Variants in GRIK1 observed in about 807,000 individuals in gnomAD.
GRIK1 encodes the protein glutamate ionotropic receptor kainate type subunit 1, also known as glutamate receptor ionotropic, kainate 1.
In GRIK1, 69 loss-of-function variants were observed where a neutral mutation model predicts 105.7. The ratio of observed to expected loss-of-function variants is 0.65; its 90% CI spans 0.54 to 0.80. GRIK1 has a LOEUF of 0.80. GRIK1 is among the 30% of genes least tolerant of loss of function. The pLI, the probability that GRIK1 is intolerant of heterozygous loss-of-function variation, is 0.00. For synonymous variants in GRIK1, 438 were observed against 431.3 expected (o/e 1.02, Z -0.19); for missense variants, 1,109 against 1,167.3 (o/e 0.95, Z 0.73).
chr21:29,822,453 T>C (rs2145929399), intron 1 of GRIK1, among the ~76,000 whole-genome samples: 1 of 152,162 alleles, frequency 6.6e-6, no homozygotes, highest in Admixed American at 6.6e-5. Flanking sequence ...CCCATGCTTA[T>C]TTTCTTTTTT....
intron 1 of GRIK1, among the ~76,000 whole-genome samples, chr21:29,875,239 C>A (rs550110696): frequency 4.1e-4 from 62 of 151,998 alleles, no homozygotes; most frequent in Admixed American, 1.3e-3. Flanking sequence ...ACTCCGAGTC[C>A]CTGGAGCATC....
intron 1 of GRIK1, among the ~76,000 whole-genome samples, chr21:29,825,121 C>T (rs2067415794): frequency 1.3e-5 from 2 of 152,134 alleles, no homozygotes; most frequent in South Asian, 2.1e-4. Context: ...AAGAATAATT[C>T]GGTTCCTAAA....
intron 16 of GRIK1, among the ~76,000 whole-genome samples, chr21:29,540,759 A>G (rs1398014209): frequency 6.6e-6 from 1 of 152,136 alleles, no homozygotes; most frequent in Non-Finnish European, 1.5e-5. Flanking sequence ...GTTGGTTTAA[A>G]TTCCTAAATC....
At chr21:29,825,030 T>A (rs1227452652) in intron 1 of GRIK1, among the ~76,000 whole-genome samples, 2 of 152,036 alleles carry the variant, frequency 1.3e-5, no homozygotes, top group Non-Finnish European at 2.9e-5. Flanking sequence ...ATGTTTAATA[T>A]ATTATTGTGG....
At chr21:29,756,003 A>G (rs1464484826) in intron 1 of GRIK1, among the ~76,000 whole-genome samples, 2 of 152,242 alleles carry the variant, frequency 1.3e-5, no homozygotes, top group Admixed American at 1.3e-4. Flanking sequence ...AAAACCTCTT[A>G]AAGAATGCAA....
At chr21:29,916,078 T>G (rs1343396435) in intron 1 of GRIK1, among the ~76,000 whole-genome samples, 1 of 152,008 alleles carries the variant, frequency 6.6e-6, no homozygotes, top group African/African-American at 2.4e-5. Context: ...TTATATTTCC[T>G]GTTTATTATT....
In GRIK1 at chr21:29,618,558, A is replaced by G. The variant is rs1049520564; in HGVS notation, c.1099-19621T>C. Among the ~76,000 whole-genome samples, 10 of 152,216 alleles carry G rather than the reference A, an allele frequency of 6.6e-5. 1 individual carries two copies. Among genetic ancestry groups the G allele is most frequent in the African/African-American group, 9.6e-5 (4 of 41,454 alleles). The stretch of plus-strand genomic sequence containing the variant: ...CATGAAACAAAAAAGATACCTGCAC[A>G]TGCATGTTTATAGCAGCACAAATTC... On this transcript the variant is annotated intron_variant, in intron 7 of 17. Transcript: ENST00000327783.
intron 1 of GRIK1, among the ~76,000 whole-genome samples, chr21:29,744,602 C>T (rs1261672404): frequency 1.3e-5 from 2 of 149,552 alleles, no homozygotes; most frequent in Admixed American, 6.7e-5. Flanking sequence ...TATTGTCTTG[C>T]TTCTTATTCT....
intron 1 of GRIK1, among the ~76,000 whole-genome samples, chr21:29,777,185 T>C (rs1020082252): frequency 2.6e-5 from 4 of 152,134 alleles, no homozygotes; most frequent in African/African-American, 9.7e-5. Context: ...CAGTACTGGG[T>C]GACTCTCGTG....
At chr21:29,543,077 A>C (rs142827044) in intron 16 of GRIK1, among the ~76,000 whole-genome samples, 1,596 of 152,256 alleles carry the variant, frequency 0.01, 18 homozygotes, top group Non-Finnish European at 0.017. Flanking sequence ...TTAAAGAAAT[A>C]GTTTCCTGAA....
At chr21:29,641,006 T>G (rs2062498997) in intron 7 of GRIK1, among the ~76,000 whole-genome samples, 1 of 152,236 alleles carries the variant, frequency 6.6e-6, no homozygotes, top group Non-Finnish European at 1.5e-5. Flanking sequence ...TTCTTAGTGG[T>G]GCCTTCCAAT....
intron 7 of GRIK1, among the ~76,000 whole-genome samples, chr21:29,615,971 A>C (rs1002112746): frequency 1.3e-5 from 2 of 152,184 alleles, no homozygotes; most frequent in Non-Finnish European, 2.9e-5. Flanking sequence ...AATCACTAAC[A>C]GTACACCTGT....
At chr21:29,637,197 A>G (rs897029463) in intron 7 of GRIK1, among the ~76,000 whole-genome samples, 1 of 152,180 alleles carries the variant, frequency 6.6e-6, no homozygotes, top group Non-Finnish European at 1.5e-5. Flanking sequence ...AGGACAACTG[A>G]TGTAACGTAA....
At chr21:29,541,596 T>TTTTTTTTTTTTTTTTTTTG (rs2089973108) in intron 16 of GRIK1, among the ~76,000 whole-genome samples, 1 of 96,450 alleles carries the variant, frequency 1.0e-5, no homozygotes, top group African/African-American at 3.2e-5. Context: ...TTTTTTTTTT[T>TTTTTTTTTTTTTTTTTTTG]GTGGGAGAGA....
intron 7 of GRIK1, among the ~76,000 whole-genome samples, chr21:29,611,454 A>C (rs563923363): frequency 6.6e-6 from 1 of 152,150 alleles, no homozygotes; most frequent in African/African-American, 2.4e-5. Context: ...TGGTTCCTTC[A>C]TTAAGGAGTT....
intron 1 of GRIK1, among the ~76,000 whole-genome samples, chr21:29,908,753 A>G (rs1429882361): frequency 6.6e-6 from 1 of 152,184 alleles, no homozygotes; most frequent in East Asian, 1.9e-4. Flanking sequence ...AGAGATAAAC[A>G]ATTACAACTC....
At chr21:29,640,708 C>T (rs1309093719) in intron 7 of GRIK1, among the ~76,000 whole-genome samples, 1 of 152,102 alleles carries the variant, frequency 6.6e-6, no homozygotes, top group Non-Finnish European at 1.5e-5. Flanking sequence ...TGATCCCAAG[C>T]TTTCATGTCA....
chr21:29,793,951 T>C (rs760998294), intron 1 of GRIK1, among the ~76,000 whole-genome samples: 1 of 152,202 alleles, frequency 6.6e-6, no homozygotes, highest in Non-Finnish European at 1.5e-5. Context: ...TCAGCATGGC[T>C]CTGTCCAAAT....
intron 1 of GRIK1, among the ~76,000 whole-genome samples, chr21:29,795,618 T>G (rs1161404634): frequency 2.6e-5 from 4 of 152,208 alleles, no homozygotes; most frequent in Admixed American, 2.6e-4. Flanking sequence ...TAATAGTTTC[T>G]CAGATGCTAA....
Sources: allele counts gnomAD v4.1 joint callset (sites outside exome capture counted in the v4.1 genomes callset), GRCh38; gene constraint gnomAD v4.1.1; transcripts MANE v1.5; gene names NCBI Gene and HGNC (gene_info 2026-07-23, HGNC 2026-07-21).